The following VPS53 variants were observed in gnomAD, a reference collection of about 807,000 sequenced individuals.
VPS53 encodes VPS53 subunit of GARP complex.
VPS53 carries 70 observed loss-of-function variants against 107.0 expected under a neutral mutation model. The ratio of observed to expected loss-of-function variants is 0.65; its 90% CI spans 0.54 to 0.80. VPS53 has a LOEUF of 0.80. Among genes scored for constraint, VPS53 ranks in the 30% least tolerant of loss-of-function variants. VPS53 has a pLI of 0.00. For synonymous variants in VPS53, 409 were observed against 393.3 expected (o/e 1.04, Z -0.47); for missense variants, 917 against 1,049.4 (o/e 0.87, Z 1.74).
intron 12 of VPS53, among the ~76,000 whole-genome samples, chr17:592,369 T>C (rs1302253003): frequency 6.6e-6 from 1 of 152,330 alleles, no homozygotes; most frequent in East Asian, 1.9e-4. Flanking sequence ...GTCTTTTAAT[T>C]GGAGCATTTA....
In VPS53 at chr17:519,121, G is replaced by A. The variant is rs1908523267; in HGVS notation, c.*7C>T. 2 of 1,496,778 alleles carry A rather than the reference G, an allele frequency of 1.3e-6. No individual in the cohort carries two copies. Among genetic ancestry groups the A allele is most frequent in the Non-Finnish European group, 1.8e-6 (2 of 1,119,762 alleles). 92.7% of individuals were successfully genotyped at this position (1,496,778 alleles called of 1,614,324 possible). On this transcript the variant is annotated 3_prime_UTR_variant, in exon 22 of 22. Transcript: ENST00000437048. This position sits in a 1 kb window ranked among gnomAD's most constrained non-coding sequence, Gnocchi z 5.0. ...TCCAGCCAGGAGCAAAGGGCCCCTT[G>A]CTGCTGCTACAGTCTCTTTTTAATG...
chr17:691,901 T>C (rs1391168757), intron 4 of VPS53, among the ~76,000 whole-genome samples: 3 of 152,212 alleles, frequency 2.0e-5, no homozygotes, highest in Non-Finnish European at 2.9e-5. Flanking sequence ...TATGTATACA[T>C]AGGAAAAAAT....
chr17:647,520 CTGCCT>C (rs2143423860), intron 7 of VPS53, among the ~76,000 whole-genome samples: 1 of 152,330 alleles, frequency 6.6e-6, no homozygotes, highest in East Asian at 1.9e-4. Flanking sequence ...GTAGAAGGGA[CTGCCT>C]TCCTCCTCCC....
chr17:555,636 G>T (rs372879256), intron 15 of VPS53, among the ~76,000 whole-genome samples: 61 of 152,308 alleles, frequency 4.0e-4, no homozygotes, highest in African/African-American at 1.4e-3. Context: ...CACTCGGCCA[G>T]AGTATCATTC....
rs10630363 is a variant in VPS53 at position 672,109 on chromosome 17, G to GACACACACACACACACAC, written c.286-10232_286-10215dup. Among the ~76,000 whole-genome samples the GACACACACACACACACAC allele has an allele frequency of 4.2e-4, 46 of 108,890 alleles. 1 individual carries two copies. Among genetic ancestry groups the GACACACACACACACACAC allele is most frequent in the East Asian group, 3.0e-3 (11 of 3,680 alleles). The allele number at this position is 108,890 out of a possible 152,430, so 71.4% of individuals were successfully genotyped here. A position where few individuals can be genotyped will look rare whatever the true frequency, so the allele number is the denominator to read the frequency against. ...GACTACAGGTAGAGATGATGAGGGT[G>GACACACACACACACACAC]ACACACACACACACACACACACACA... On this transcript the variant is annotated intron_variant, in intron 4 of 21. Coordinates refer to ENST00000437048, the MANE Select transcript of VPS53 (RefSeq NM_001128159.3).
At chr17:583,056 C>G (rs1967126763) in intron 13 of VPS53, among the ~76,000 whole-genome samples, 1 of 151,900 alleles carries the variant, frequency 6.6e-6, no homozygotes, top group South Asian at 2.1e-4. Flanking sequence ...TCCCTCAGAA[C>G]CTAATGCGTT....
At chr17:612,227 G>A (rs1968918325) in intron 11 of VPS53, among the ~76,000 whole-genome samples, 1 of 140,160 alleles carries the variant, frequency 7.1e-6, no homozygotes, top group Non-Finnish European at 1.5e-5. Context: ...TTCAAATAGT[G>A]AATTCACACA....
At position 524,981 on chromosome 17, in the gene VPS53, TC is replaced by T. The variant is rs150220168; in HGVS notation, c.2086-3244del. 0.086 allele frequency among the ~76,000 whole-genome samples: 13,131 copies of T among 152,268 alleles called. 664 individuals are homozygous for T. The highest frequency in any genetic ancestry group is 0.12 in the East Asian group (614 of 5,166). On this transcript the variant is annotated intron_variant, in intron 19 of 21. Coordinates refer to ENST00000437048, the MANE Select transcript of VPS53 (RefSeq NM_001128159.3). The surrounding 1 kb of genome is among the most constrained non-coding windows in gnomAD (Gnocchi z 4.5). ...GGAATTCTTGCCCATGTAAAAACGT[TC>T]CCTGCATCCGCTATTTATAAAAGCA...
intron 10 of VPS53, among the ~76,000 whole-genome samples, chr17:624,808 T>G (rs2143032541): frequency 6.6e-6 from 1 of 152,326 alleles, no homozygotes; most frequent in Admixed American, 6.5e-5. Context: ...TTTATTTTGT[T>G]AATTGGGATT....
At chr17:697,658 C>T (rs887889568) in intron 3 of VPS53, among the ~76,000 whole-genome samples, 174 bp from the exon 4 acceptor site, 9 of 151,742 alleles carry the variant, frequency 5.9e-5, no homozygotes, top group Admixed American at 1.3e-4. Flanking sequence ...GACAGCCGTG[C>T]GGGAAGTCAA....
intron 11 of VPS53, among the ~76,000 whole-genome samples, chr17:619,095 C>G (rs186308172): frequency 0.016 from 2,217 of 142,030 alleles, 21 homozygotes; most frequent in Middle Eastern, 0.032. Flanking sequence ...CCACGCCCAG[C>G]TAATATTTCC....
intron 7 of VPS53, among the ~76,000 whole-genome samples, chr17:651,168 A>G (rs1423226135): frequency 1.3e-5 from 2 of 152,218 alleles, no homozygotes; most frequent in East Asian, 1.9e-4. Flanking sequence ...AGCGATAGCC[A>G]TTAAACTACA....
chr17:648,325 A>C (rs1970787232), intron 7 of VPS53, among the ~76,000 whole-genome samples: 1 of 152,212 alleles, frequency 6.6e-6, no homozygotes, highest in Non-Finnish European at 1.5e-5. Flanking sequence ...AGACAGGTGG[A>C]TCACTTGAGG....
intron 7 of VPS53, among the ~76,000 whole-genome samples, chr17:648,379 G>A (rs1970789542): frequency 6.6e-6 from 1 of 152,078 alleles, no homozygotes; most frequent in Admixed American, 6.6e-5. Context: ...GTGAAACCCT[G>A]TCTCTACTAA....
chr17:611,187 T>C (rs1420459390), intron 11 of VPS53, among the ~76,000 whole-genome samples: 1 of 152,108 alleles, frequency 6.6e-6, no homozygotes, highest in Non-Finnish European at 1.5e-5. Flanking sequence ...CTAAGTTTTG[T>C]ATTTTTAGTA....
intron 11 of VPS53, among the ~76,000 whole-genome samples, chr17:602,243 C>G (rs1341420751): frequency 1.3e-5 from 2 of 152,188 alleles, no homozygotes; most frequent in African/African-American, 4.8e-5. Flanking sequence ...TGTCTCCTAC[C>G]CAGGCATTTA....
Position 562,653 on chromosome 17 carries a change from G to A in VPS53, c.1406C>T (p.Pro469Leu), listed in dbSNP as rs1913129553. 3.1e-6 allele frequency: 5 copies of A among 1,613,908 alleles called. No homozygotes were observed. The highest frequency in any genetic ancestry group is 4.2e-6 in the Non-Finnish European group (5 of 1,179,992). ...GTAGACAAAGAGGTCGGCGCAGCTG[G>A]GGAGCACGGCACCCCCTTCATCAGT... ...PNTDEGGAVL[P>L]SCADLFVYYK... Residue 469 changes from proline to leucine, a missense_variant, in exon 14 of 22, where the codon CCC becomes CTC. Pro to Leu is a moderately conservative substitution (Grantham distance 98). Coordinates refer to ENST00000437048, the MANE Select transcript of VPS53 (RefSeq NM_001128159.3).
At chr17:714,311 C>T in intron 1 of VPS53, 1 of 387,178 alleles carries the variant, frequency 2.6e-6, no homozygotes, top group Non-Finnish European at 4.7e-6. Flanking sequence ...CCCCCACAGT[C>T]CCCAGAATCT....
At chr17:662,646 G>A (rs1367518198) in intron 4 of VPS53, among the ~76,000 whole-genome samples, 5 of 151,174 alleles carry the variant, frequency 3.3e-5, no homozygotes, top group African/African-American at 9.7e-5. Flanking sequence ...CCGAAATTGC[G>A]CCACTGCACT....
Sources: allele counts gnomAD v4.1 joint callset (sites outside exome capture counted in the v4.1 genomes callset), GRCh38; gene constraint gnomAD v4.1.1; non-coding constraint Gnocchi (gnomAD v3.1); transcripts MANE v1.5; gene names NCBI Gene and HGNC (gene_info 2026-07-23, HGNC 2026-07-21).